SOX5: variants seen among roughly 807,000 people sequenced by gnomAD.
The protein encoded by SOX5 is transcription factor SOX-5.
A neutral mutation model predicts 92.0 loss-of-function variants in SOX5; 9 were observed. That is an observed-to-expected ratio of 0.10 (90% CI 0.06 to 0.17). The LOEUF (loss-of-function observed/expected upper bound fraction) is 0.17, where lower values mean the gene tolerates loss of function less well. Among genes scored for constraint, SOX5 ranks in the 10% least tolerant of loss-of-function variants. The probability of loss-of-function intolerance (pLI) is 1.00; values close to 1 mark genes in which losing one functional copy is unlikely to be tolerated. For synonymous variants in SOX5, 344 were observed against 336.3 expected (o/e 1.02, Z -0.25); for missense variants, 642 against 944.5 (o/e 0.68, Z 4.20).
chr12:24,476,895 G>T (rs1311684099), intron 1 of SOX5, among the ~76,000 whole-genome samples: 1 of 148,614 alleles, frequency 6.7e-6, no homozygotes, highest in African/African-American at 2.5e-5. Context: ...GAGCATCGTG[G>T]TTCACACCTG....
intron 12 of SOX5, among the ~76,000 whole-genome samples, chr12:23,543,694 A>T (rs529767941): frequency 3.3e-5 from 5 of 152,334 alleles, no homozygotes; most frequent in Admixed American, 6.5e-5. Flanking sequence ...ATTCGGAAAG[A>T]GGATAGTCAG....
intron 2 of SOX5, among the ~76,000 whole-genome samples, chr12:24,289,339 A>G (rs928504880): frequency 8.5e-5 from 13 of 152,164 alleles, no homozygotes; most frequent in African/African-American, 3.1e-4. Context: ...ATCCATAAAA[A>G]TACAAATTTC....
chr12:23,868,430 A>C (rs2096838256), intron 2 of SOX5, among the ~76,000 whole-genome samples: 1 of 152,162 alleles, frequency 6.6e-6, no homozygotes, highest in Non-Finnish European at 1.5e-5. Context: ...CCTGAGTAAG[A>C]AAAGTAGCAA....
At chr12:23,953,875 G>T (rs1945960877), upstream of SOX5, among the ~76,000 whole-genome samples, 1 of 151,978 alleles carries the variant, frequency 6.6e-6, no homozygotes, top group African/African-American at 2.4e-5. Flanking sequence ...ATGGAAAATG[G>T]AATGAACATG....
chr12:24,289,591 C>A (rs1946372730), intron 2 of SOX5, among the ~76,000 whole-genome samples: 1 of 141,470 alleles, frequency 7.1e-6, no homozygotes, highest in South Asian at 2.2e-4. Context: ...GTAGCTGGGA[C>A]TACAGGCGCC....
At chr12:24,000,644 G>A (rs1019817145) in intron 4 of SOX5, among the ~76,000 whole-genome samples, 23 of 152,152 alleles carry the variant, frequency 1.5e-4, no homozygotes, top group African/African-American at 5.3e-4. Context: ...AGGACTTGAA[G>A]AACAGGCATA....
At chr12:23,659,863 A>G (rs2082803206) in intron 7 of SOX5, among the ~76,000 whole-genome samples, 1 of 152,100 alleles carries the variant, frequency 6.6e-6, no homozygotes, top group Admixed American at 6.5e-5. Context: ...GCTACTTGGG[A>G]GGCTGAGGCA....
chr12:23,887,917 A>ATGTGTGTGTGTGTGTGTG (rs61356582), intron 2 of SOX5, among the ~76,000 whole-genome samples: 5 of 144,770 alleles, frequency 3.5e-5, no homozygotes, highest in African/African-American at 7.9e-5. Flanking sequence ...CAGTGTGTAT[A>ATGTGTGTGTGTGTGTGTG]TGTGTGTGTG....
chr12:23,920,189 T>C (rs1234726651), intron 1 of SOX5: 6 of 152,198 alleles, frequency 3.9e-5, no homozygotes, highest in Admixed American at 3.9e-4. Context: ...AACTTCGAAA[T>C]AGAAATTTCC....
intron 4 of SOX5, among the ~76,000 whole-genome samples, chr12:24,031,363 T>C (rs1293726197): frequency 6.6e-6 from 1 of 151,776 alleles, no homozygotes; most frequent in Non-Finnish European, 1.5e-5. Flanking sequence ...AGTGGAATAT[T>C]ATTTGACCAT....
chr12:24,534,344 G>A (rs1200673261), intron 1 of SOX5, among the ~76,000 whole-genome samples: 1 of 151,836 alleles, frequency 6.6e-6, no homozygotes, highest in African/African-American at 2.4e-5. Flanking sequence ...GACCATGGTG[G>A]TAGAAAGTCT....
At chr12:24,154,111 A>T (rs994245103) in intron 4 of SOX5, among the ~76,000 whole-genome samples, 3 of 152,100 alleles carry the variant, frequency 2.0e-5, no homozygotes, top group African/African-American at 7.2e-5. Flanking sequence ...TTCTTCCTCT[A>T]GATTTCCCAG....
At chr12:24,502,914 A>G (rs1948363300) in intron 1 of SOX5, among the ~76,000 whole-genome samples, 1 of 152,218 alleles carries the variant, frequency 6.6e-6, no homozygotes, top group Non-Finnish European at 1.5e-5. Flanking sequence ...CCAAACCCAG[A>G]GGCATTTTAC....
intron 6 of SOX5, among the ~76,000 whole-genome samples, chr12:23,717,389 T>C (rs114314807): frequency 0.03 from 4,588 of 152,322 alleles, 77 homozygotes; most frequent in African/African-American, 0.053. Flanking sequence ...CACAACTTTC[T>C]GTCAGCCCTC....
At chr12:24,278,518 G>C (rs1944764806) in intron 2 of SOX5, among the ~76,000 whole-genome samples, 1 of 152,118 alleles carries the variant, frequency 6.6e-6, no homozygotes, top group Non-Finnish European at 1.5e-5. Context: ...TTCAAGACTA[G>C]CATGGGCAAC....
intron 3 of SOX5, among the ~76,000 whole-genome samples, chr12:23,802,077 T>C (rs2095669336): frequency 1.3e-5 from 2 of 152,154 alleles, no homozygotes; most frequent in African/African-American, 4.8e-5. Flanking sequence ...TCTTTCTTTC[T>C]TTCTTAATTT....
At position 23,846,771 on chromosome 12, in the gene SOX5, T is replaced by C. The variant is rs1452602212; in HGVS notation, c.271-578A>G. Among the ~76,000 whole-genome samples, 34 of 152,186 alleles carry C rather than the reference T, an allele frequency of 2.2e-4. 1 individual carries two copies. Among genetic ancestry groups the C allele is most frequent in the Admixed American group, 2.1e-3 (32 of 15,268 alleles). On this transcript the variant is annotated intron_variant, in intron 2 of 14. Coordinates refer to ENST00000451604, the MANE Select transcript of SOX5 (RefSeq NM_006940.6). ...AGAAAGCATCCATCACACAGGTTATTTGACATCAGACAAGAATATTCCAAG... is the reference window on the plus strand; with the variant it reads ...AGAAAGCATCCATCACACAGGTTATCTGACATCAGACAAGAATATTCCAAG...
intron 1 of SOX5, among the ~76,000 whole-genome samples, chr12:24,526,001 G>T (rs1950675105): frequency 6.6e-6 from 1 of 152,032 alleles, no homozygotes; most frequent in African/African-American, 2.4e-5. Context: ...CTCCAAAGTA[G>T]CTGGGACCAC....
At chr12:24,313,210 C>T (rs569606016) in intron 2 of SOX5, among the ~76,000 whole-genome samples, 2 of 152,120 alleles carry the variant, frequency 1.3e-5, no homozygotes, top group South Asian at 4.2e-4. Context: ...CAAATATCAC[C>T]GCCTCTGTGA....
Sources: gnomAD v4.1 joint callset for allele counts (sites outside exome capture counted in the v4.1 genomes callset) on GRCh38, gnomAD v4.1.1 for gene constraint, MANE v1.5 for transcripts, NCBI Gene and HGNC (gene_info 2026-07-23, HGNC 2026-07-21) for gene names.